The following STARD3 variants were observed in gnomAD, a reference collection of about 807,000 sequenced individuals.
STARD3 encodes the protein stAR-related lipid transfer protein 3.
Under a neutral mutation model 62.0 loss-of-function variants are expected in STARD3, and 39 were observed. The observed-to-expected ratio is 0.63, with a 90% confidence interval of 0.49 to 0.82. The LOEUF (loss-of-function observed/expected upper bound fraction) is 0.82, where lower values mean the gene tolerates loss of function less well. Among genes scored for constraint, STARD3 ranks in the 40% least tolerant of loss-of-function variants. STARD3 has a pLI of 0.00. For missense variants in STARD3, 543 were observed against 584.5 expected, an observed-to-expected ratio of 0.93 and a Z score of 0.73; for synonymous variants, 229 against 242.4, an observed-to-expected ratio of 0.94 and a Z score of 0.51.
chr17:39,659,842 T>C (rs2057175663), intron 9 of STARD3: 1 of 490,006 alleles, frequency 2.0e-6, no homozygotes. Flanking sequence ...ATCCGTTGTT[T>C]CGTTTCATGA....
At chr17:39,656,331 T>C (rs2057129606) in intron 2 of STARD3, among the ~76,000 whole-genome samples, 1 of 152,142 alleles carries the variant, frequency 6.6e-6, no homozygotes, top group Non-Finnish European at 1.5e-5. Flanking sequence ...ACCCCCGTCA[T>C]TCCAAGGAGT....
chr17:39,641,670 C>T (rs544159014), intron 1 of STARD3, among the ~76,000 whole-genome samples: 37 of 152,328 alleles, frequency 2.4e-4, no homozygotes, highest in Admixed American at 9.2e-4. Flanking sequence ...CTAATCCCTT[C>T]AAGCTCTGTG....
chr17:39,648,124 A>G (rs2057043666), intron 1 of STARD3, among the ~76,000 whole-genome samples: 3 of 151,960 alleles, frequency 2.0e-5, no homozygotes, highest in Non-Finnish European at 4.4e-5. Context: ...TCTCCACTAA[A>G]AATACAAAAA....
intron 5 of STARD3, 105 bp downstream of exon 5, chr17:39,658,131 G>C (rs1209327563): frequency 7.8e-7 from 1 of 1,284,748 alleles, no homozygotes; most frequent in Non-Finnish European, 1.1e-6. Flanking sequence ...CTGTTGTCCG[G>C]GTTAGGGGGA....
intron 1 of STARD3, among the ~76,000 whole-genome samples, chr17:39,642,353 C>A (rs763460844): frequency 6.6e-6 from 1 of 152,224 alleles, no homozygotes; most frequent in Non-Finnish European, 1.5e-5. Flanking sequence ...GTTCCTCTTT[C>A]CTTCTTGTGG....
intron 5 of STARD3, 146 bp from the exon 6 acceptor site, chr17:39,658,259 C>T: frequency 2.4e-6 from 2 of 846,044 alleles, no homozygotes; most frequent in Middle Eastern, 4.5e-4. Flanking sequence ...CCAGTTTATC[C>T]TGCTGCAGAC....
intron 14 of STARD3, 25 bp from the exon 15 acceptor site, chr17:39,662,779 G>C (rs1427610509): frequency 1.3e-6 from 2 of 1,593,896 alleles, no homozygotes; most frequent in East Asian, 4.6e-5. Context: ...GCCATCAAGT[G>C]TGACTTCTGC....
intron 1 of STARD3, among the ~76,000 whole-genome samples, chr17:39,645,881 C>CTTTTTTTTTTTTTT (rs71147368): frequency 1.8e-5 from 1 of 55,666 alleles, no homozygotes; most frequent in African/African-American, 8.9e-5. Flanking sequence ...GGATTCTTGC[C>CTTTTTTTTTTTTTT]TTTTTTTTTT....
At chr17:39,656,581 A>C (rs2057132468) in intron 2 of STARD3, among the ~76,000 whole-genome samples, 1 of 151,322 alleles carries the variant, frequency 6.6e-6, no homozygotes, top group African/African-American at 2.4e-5. Context: ...ACCACTGCCC[A>C]CCCCCACCCC....
intron 1 of STARD3, among the ~76,000 whole-genome samples, chr17:39,648,840 TGTGA>T (rs1421168110): frequency 6.6e-6 from 1 of 152,202 alleles, no homozygotes; most frequent in African/African-American, 2.4e-5. Context: ...CGTCTGGGCA[TGTGA>T]GTGTCAGTGT....
At chr17:39,656,182 G>T (rs59522915) in intron 2 of STARD3, among the ~76,000 whole-genome samples, 7,750 of 152,274 alleles carry the variant, frequency 0.051, 257 homozygotes, top group African/African-American at 0.067. Context: ...TGGCTGCCCT[G>T]CTGGAGAGCG....
At position 39,662,817 on chromosome 17, in the gene STARD3, G is replaced by A. The variant is rs767312991; in HGVS notation, c.1247G>A (p.Arg416Gln). Residue 416 changes from arginine to glutamine, a missense_variant, in exon 15 of 15, where the codon CGG becomes CAG. Transcript: ENST00000336308. ...LNTDLKGRLP[R>Q]YLIHQSLAAT... ...GCCTTCCCCCAGGGCCGCCTGCCCC[G>A]GTACCTCATCCACCAGAGCCTCGCG... 24 of 1,610,224 alleles carry A rather than the reference G, an allele frequency of 1.5e-5. No homozygotes were observed. Among genetic ancestry groups the A allele is most frequent in the South Asian group, 3.3e-5 (3 of 90,634 alleles).
rs2057221228 is a variant in STARD3, at chr17:39,663,220, TG to T, written c.*316del. On this transcript the variant is annotated 3_prime_UTR_variant, in exon 15 of 15. Coordinates refer to ENST00000336308, the MANE Select transcript of STARD3 (RefSeq NM_006804.4). ...GTCTGGGCTGGGCACCTGACTTGGC[TG>T]GGGAGGACCAGGGCCCTGGGCAGGG... is the stretch of plus-strand genomic sequence containing the variant. 2 of 412,458 alleles carry T rather than the reference TG, an allele frequency of 4.8e-6. No individual in the cohort carries two copies. Among genetic ancestry groups the T allele is most frequent in the South Asian group, 9.7e-5 (1 of 10,318 alleles). The allele number at this position is 412,458 out of a possible 1,614,324, so 25.5% of individuals were successfully genotyped here.
rs75298072 is a variant in STARD3 at position 39,655,728 on chromosome 17, G to A, written c.220-1280G>A. On this transcript the variant is annotated intron_variant, in intron 2 of 14. Transcript: ENST00000336308. The stretch of plus-strand genomic sequence containing the variant: ...TGTAGTTTTACTTTTGTATTTGGGA[G>A]CATATATTTTTAGTTCGCTGACAGA... Among the ~76,000 whole-genome samples the A allele has an allele frequency of 6.1e-3, 922 of 152,162 alleles. 8 individuals are homozygous for A. Among genetic ancestry groups the A allele is most frequent in the African/African-American group, 0.021 (868 of 41,498 alleles).
In STARD3 at chr17:39,657,870, T is replaced by C. The variant is rs374251297; in HGVS notation, c.375+18T>C. On this transcript the variant is annotated intron_variant, in intron 4 of 14. Transcript: ENST00000336308. ...TGATTGCGGTAAGATGCCACTTTCC[T>C]GGCAGCTTCTGGGCCCTGGCAGGGC... 3.5e-4 allele frequency: 568 copies of C among 1,614,100 alleles called. No individual in the cohort carries two copies. Among genetic ancestry groups the C allele is most frequent in the Non-Finnish European group, 4.3e-4 (510 of 1,180,038 alleles).
In STARD3 at chr17:39,657,982, C is replaced by A; in HGVS notation, c.385C>A (p.Leu129Met). The A allele has an allele frequency of 1.0e-5, 16 of 1,582,220 alleles. No homozygotes were observed. The highest frequency in any genetic ancestry group is 1.3e-5 in the Non-Finnish European group (15 of 1,164,008). Residue 129 changes from leucine (L) to methionine (M), a missense_variant, in exon 5 of 15, where the codon CTG (leucine) becomes ATG (methionine). Leu to Met is a conservative substitution (Grantham distance 15). Transcript: ENST00000336308. ...RHWWVIAVTT[L>M]VSSAFLIVKV... is the part of the protein sequence containing the mutation. The stretch of plus-strand genomic sequence containing the variant: ...TCCCTCCCCTGGGCAGGTCACGACG[C>A]TGGTGTCCAGTGCATTCCTCATTGT...
Position 39,660,260 on chromosome 17 carries a change from C to T in STARD3, c.845C>T (p.Thr282Met), listed in dbSNP as rs760874642. ...ATTGAAGTTCCCTTTCACGGCAAGACGTTTATCCTGAAGGTGAGTGAGGGG... is the reference window on the plus strand; with the variant it reads ...ATTGAAGTTCCCTTTCACGGCAAGATGTTTATCCTGAAGGTGAGTGAGGGG... Reference protein sequence around the residue: ...YTIEVPFHGKTFILKTFLPCP... With the variant: ...YTIEVPFHGKMFILKTFLPCP... The change falls in exon 10 of 15, where the codon ACG (threonine) becomes ATG (methionine). Residue 282 changes from threonine to methionine, a missense_variant. Coordinates refer to ENST00000336308, the MANE Select transcript of STARD3 (RefSeq NM_006804.4). The surrounding 1 kb of genome is among the most constrained non-coding windows in gnomAD (Gnocchi z 4.8). 1.7e-5 allele frequency: 27 copies of T among 1,613,938 alleles called. No individual in the cohort carries two copies. Among genetic ancestry groups the T allele is most frequent in the African/African-American group, 2.7e-5 (2 of 74,916 alleles).
chr17:39,657,077 G>A lies in STARD3; in HGVS notation c.289G>A (p.Asp97Asn), dbSNP rs1473199967. ...GTACAACTTTAAAACTTCCTTCTTC[G>A]ACATCTTTGTGAGTGGCCTTGGCTG... is the stretch of plus-strand genomic sequence containing the variant. ...IQYNFKTSFF[D>N]IFVLAFFRFS... Residue 97 changes from aspartate (D) to asparagine (N), a missense_variant, in exon 3 of 15, where the codon GAC (aspartate) becomes AAC (asparagine). Physicochemically the swap from Asp to Asn is conservative, Grantham distance 23. Coordinates refer to ENST00000336308, the MANE Select transcript of STARD3 (RefSeq NM_006804.4). The A allele has an allele frequency of 2.5e-6, 4 of 1,614,010 alleles. No homozygotes were observed. Among genetic ancestry groups the A allele is most frequent in the Admixed American group, 1.7e-5 (1 of 60,014 alleles).
At chr17:39,646,541 C>T (rs1026860650) in intron 1 of STARD3, among the ~76,000 whole-genome samples, 1 of 152,190 alleles carries the variant, frequency 6.6e-6, no homozygotes, top group African/African-American at 2.4e-5. Flanking sequence ...GCCTGAGCTA[C>T]CACACCCAGC....
Sources: gnomAD v4.1 joint callset for allele counts (sites outside exome capture counted in the v4.1 genomes callset) on GRCh38, gnomAD v4.1.1 for gene constraint, Gnocchi (gnomAD v3.1) non-coding constraint, MANE v1.5 for transcripts, NCBI Gene and HGNC (gene_info 2026-07-23, HGNC 2026-07-21) for gene names.